The following NBAS variants were observed in gnomAD, a reference collection of about 807,000 sequenced individuals.
NBAS encodes the protein NBAS subunit of NRZ tethering complex, also known as NAG/BC035112 fusion.
NBAS carries 219 observed loss-of-function variants against 302.5 expected under a neutral mutation model. The ratio of observed to expected loss-of-function variants is 0.72; its 90% CI spans 0.65 to 0.81. The LOEUF is 0.81. NBAS is among the 30% of genes least tolerant of loss of function. NBAS has a pLI of 0.00. For missense variants in NBAS, 2,932 were observed against 2,841.6 expected (o/e 1.03, Z -0.72); for synonymous variants, 1,118 against 1,021.6 (o/e 1.09, Z -1.80).
chr2:14,850,208 G>A, the NBAS span, among the ~76,000 whole-genome samples: 3 of 133,916 alleles, frequency 2.2e-5, no homozygotes, highest in Non-Finnish European at 4.5e-5. Flanking sequence ...GACACATGTA[G>A]GCTCAAAATA....
At chr2:14,905,185 G>A in the NBAS span, among the ~76,000 whole-genome samples, 4 of 152,154 alleles carry the variant, frequency 2.6e-5, no homozygotes, top group Admixed American at 2.0e-4. Context: ...ATCTCCTCTG[G>A]CAACATCTTC....
chr2:15,043,224 A>G, the NBAS span, among the ~76,000 whole-genome samples: 1 of 152,108 alleles, frequency 6.6e-6, no homozygotes, highest in Non-Finnish European at 1.5e-5. Context: ...GAGGTTACAC[A>G]AGGTCACACA....
At chr2:14,912,446 A>G in the NBAS span, among the ~76,000 whole-genome samples, 1 of 152,200 alleles carries the variant, frequency 6.6e-6, no homozygotes, top group East Asian at 1.9e-4. Context: ...CCAGTTGGGA[A>G]AATCTGACTC....
intron 40 of NBAS, among the ~76,000 whole-genome samples, chr2:15,297,160 C>T (rs1471210642): frequency 7.2e-5 from 11 of 152,152 alleles, no homozygotes; most frequent in Non-Finnish European, 1.3e-4. Flanking sequence ...CTCTGTTTTA[C>T]GGATGAATAA....
At chr2:15,170,254 G>A (rs1053011818) in intron 51 of NBAS, among the ~76,000 whole-genome samples, 4 of 152,282 alleles carry the variant, frequency 2.6e-5, no homozygotes, top group South Asian at 2.1e-4. Context: ...TCTATCCAGT[G>A]CAACCAAATC....
At chr2:15,284,989 G>A (rs1160421706) in intron 42 of NBAS, among the ~76,000 whole-genome samples, 1 of 152,122 alleles carries the variant, frequency 6.6e-6, no homozygotes, top group African/African-American at 2.4e-5. Flanking sequence ...CAGAGACCAA[G>A]GAAGCATCCT....
chr2:15,238,813 T>C, intron 44 of NBAS, 127 bp from the exon 45 acceptor site: 1 of 765,588 alleles, frequency 1.3e-6, no homozygotes, highest in Non-Finnish European at 2.0e-6. Flanking sequence ...AAATAGCACT[T>C]GTTATACTAG....
At chr2:15,433,064 C>A (rs953929062) in intron 21 of NBAS, among the ~76,000 whole-genome samples, 46 of 152,338 alleles carry the variant, frequency 3.0e-4, no homozygotes, top group Admixed American at 1.8e-3. Context: ...CGAGTTTAAT[C>A]TCTGGGACCC....
At chr2:14,924,359 C>T in the NBAS span, among the ~76,000 whole-genome samples, 14 of 152,326 alleles carry the variant, frequency 9.2e-5, no homozygotes, top group East Asian at 1.4e-3. Context: ...CAGAATAAAT[C>T]GCTAGGAAGA....
At chr2:15,211,673 T>G (rs907164731) in intron 48 of NBAS, among the ~76,000 whole-genome samples, 3 of 152,222 alleles carry the variant, frequency 2.0e-5, no homozygotes, top group Admixed American at 6.5e-5. Flanking sequence ...TCATCACTGC[T>G]GAGATCATTA....
At chr2:15,294,906 A>C (rs1670477107) in intron 40 of NBAS, among the ~76,000 whole-genome samples, 1 of 152,160 alleles carries the variant, frequency 6.6e-6, no homozygotes, top group Non-Finnish European at 1.5e-5. Flanking sequence ...TTTCAGCCTG[A>C]ACTTGCTGAA....
the NBAS span, among the ~76,000 whole-genome samples, chr2:14,936,754 G>T: frequency 6.6e-6 from 1 of 152,188 alleles, no homozygotes; most frequent in Admixed American, 6.5e-5. Context: ...CAGGAAAACA[G>T]TAAAAGAGGG....
intron 12 of NBAS, chr2:15,483,346 T>G (rs754255012): frequency 2.3e-6 from 1 of 439,840 alleles, no homozygotes; most frequent in Non-Finnish European, 4.7e-6. Flanking sequence ...TCTTCATTCA[T>G]CTACTTAAGA....
At chr2:15,016,075 T>C in the NBAS span, among the ~76,000 whole-genome samples, 36 of 152,128 alleles carry the variant, frequency 2.4e-4, no homozygotes, top group African/African-American at 8.2e-4. Context: ...CATTTTCACA[T>C]TGCTGATAAA....
chr2:15,363,571 TA>T (rs1674046627), intron 32 of NBAS, among the ~76,000 whole-genome samples: 1 of 152,202 alleles, frequency 6.6e-6, no homozygotes, highest in African/African-American at 2.4e-5. Flanking sequence ...CTCTTAACTA[TA>T]AAATCCTCAG....
intron 25 of NBAS, among the ~76,000 whole-genome samples, chr2:15,405,487 C>T (rs1676365181): frequency 6.6e-6 from 1 of 152,032 alleles, no homozygotes; most frequent in Admixed American, 6.6e-5. Context: ...CACTTTTATA[C>T]TGTCATTTGC....
At chr2:15,073,605 A>G in the NBAS span, among the ~76,000 whole-genome samples, 5 of 151,896 alleles carry the variant, frequency 3.3e-5, no homozygotes. Flanking sequence ...TATCACTTCC[A>G]TGCATTTTTT....
the NBAS span, among the ~76,000 whole-genome samples, chr2:14,908,357 C>G: frequency 1.3e-5 from 2 of 152,004 alleles, no homozygotes; most frequent in Non-Finnish European, 2.9e-5. Flanking sequence ...AGCGAGACTC[C>G]GTCTCAAAAT....
intron 48 of NBAS, among the ~76,000 whole-genome samples, chr2:15,203,426 T>C (rs1665975579): frequency 6.6e-6 from 1 of 152,232 alleles, no homozygotes; most frequent in Non-Finnish European, 1.5e-5. Flanking sequence ...ATGTAGTATC[T>C]TCACAGCTTA....
Sources: allele counts gnomAD v4.1 joint callset (sites outside exome capture counted in the v4.1 genomes callset), GRCh38; gene constraint gnomAD v4.1.1; transcripts MANE v1.5; gene names NCBI Gene and HGNC (gene_info 2026-07-23, HGNC 2026-07-21).